Variants in NAPB observed in about 807,000 individuals in gnomAD.
The protein encoded by NAPB is NSF attachment protein beta, also known as beta-soluble NSF attachment protein.
In NAPB, 26 loss-of-function variants were observed where a neutral mutation model predicts 44.7. The observed-to-expected ratio is 0.58, with a 90% CI of 0.43 to 0.81. NAPB has a LOEUF of 0.81. Among genes scored for constraint, NAPB ranks in the 30% least tolerant of loss-of-function variants. The probability of loss-of-function intolerance (pLI) is 0.00; values close to 1 mark genes in which losing one functional copy is unlikely to be tolerated. For missense variants in NAPB, 315 were observed against 356.4 expected (o/e 0.88, Z 0.94); for synonymous variants, 120 against 116.8 (o/e 1.03, Z -0.18).
chr20:23,403,467 G>C (rs763012163), intron 1 of NAPB, among the ~76,000 whole-genome samples: 1 of 152,130 alleles, frequency 6.6e-6, no homozygotes, highest in Non-Finnish European at 1.5e-5. Flanking sequence ...GCTGGGTGTG[G>C]TGGCATGTGC....
chr20:23,393,083 A>G (rs1404946943), intron 5 of NAPB, among the ~76,000 whole-genome samples: 6 of 152,114 alleles, frequency 3.9e-5, no homozygotes, highest in Non-Finnish European at 8.8e-5. Context: ...GCCATCCCAG[A>G]CACCCTGACC....
intron 1 of NAPB, among the ~76,000 whole-genome samples, chr20:23,414,885 T>A (rs913074823): frequency 6.6e-6 from 1 of 152,156 alleles, no homozygotes; most frequent in Admixed American, 6.5e-5. Flanking sequence ...AATATCACAA[T>A]TTGGACAATA....
At chr20:23,418,335 G>T (rs768123471) in intron 1 of NAPB, among the ~76,000 whole-genome samples, 70 of 152,208 alleles carry the variant, frequency 4.6e-4, no homozygotes, top group South Asian at 1.4e-3. Context: ...TAGCTAAGAA[G>T]GCAGGGGCAG....
At chr20:23,401,269 T>C (rs775738602) in intron 2 of NAPB, among the ~76,000 whole-genome samples, 1 of 152,312 alleles carries the variant, frequency 6.6e-6, no homozygotes, top group South Asian at 2.1e-4. Flanking sequence ...GTTACGTTAC[T>C]TCATTAACAC....
At chr20:23,385,220 T>C (rs1344110084) in intron 7 of NAPB, among the ~76,000 whole-genome samples, 1 of 152,056 alleles carries the variant, frequency 6.6e-6, no homozygotes, top group African/African-American at 2.4e-5. Flanking sequence ...AAACATATCA[T>C]ATAAACATTA....
chr20:23,397,081 C>G lies in NAPB; in HGVS notation c.286G>C (p.Asp96His). 6.2e-7 allele frequency: 1 copy of G among 1,612,902 alleles called. No homozygotes were observed. The highest frequency in any genetic ancestry group is 8.5e-7 in the Non-Finnish European group (1 of 1,179,034). The change falls in exon 3 of 11, where the codon GAT becomes CAT. Residue 96 changes from aspartate (D) to histidine (H), a missense_variant. By Grantham distance (81) the Asp-to-His change is moderately conservative (BLOSUM62 -1). This residue lies in a region of NAPB where 179 missense variants were observed against 182.5 expected (regional missense o/e 0.98). Coordinates refer to ENST00000377026, the MANE Select transcript of NAPB (RefSeq NM_022080.3). Reference protein sequence around the residue: ...VDAGNAYKKADPQEAINCLNA... With the variant: ...VDAGNAYKKAHPQEAINCLNA... Reference sequence around the variant, plus strand: ...TGCCTGGCTGTCTTACCTTGGGGATCTGCCTTTTTGTAAGCATTTCCAGCA... The same window carrying G: ...TGCCTGGCTGTCTTACCTTGGGGATGTGCCTTTTTGTAAGCATTTCCAGCA...
At chr20:23,413,095 G>A (rs145490796) in intron 1 of NAPB, among the ~76,000 whole-genome samples, 169 of 152,174 alleles carry the variant, frequency 1.1e-3, no homozygotes, top group African/African-American at 3.8e-3. Context: ...CCAGGAGTTC[G>A]AGACCATCCT....
At chr20:23,418,841 G>A (rs891111800) in intron 1 of NAPB, among the ~76,000 whole-genome samples, 1 of 151,982 alleles carries the variant, frequency 6.6e-6, no homozygotes, top group Non-Finnish European at 1.5e-5. Flanking sequence ...CAGCTACTCA[G>A]GAGACTGAGG....
intron 1 of NAPB, among the ~76,000 whole-genome samples, chr20:23,416,773 T>G (rs1017665768): frequency 2.6e-5 from 4 of 152,220 alleles, no homozygotes; most frequent in African/African-American, 9.6e-5. Flanking sequence ...GAGGAAAACC[T>G]AAATGCTTCA....
intron 5 of NAPB, among the ~76,000 whole-genome samples, chr20:23,392,143 G>A (rs1984004995): frequency 6.6e-6 from 1 of 152,226 alleles, no homozygotes; most frequent in Non-Finnish European, 1.5e-5. Flanking sequence ...GTGATGGTGA[G>A]CGGAACAGTC....
Position 23,397,321 on chromosome 20 carries a change from T to C in NAPB, c.179-133A>G, listed in dbSNP as rs532915311. 2.2e-5 allele frequency: 24 copies of C among 1,081,244 alleles called. No homozygotes were observed. The South Asian group carries it at 3.8e-4, about 17-fold the overall frequency. 67.0% of individuals were successfully genotyped at this position (1,081,244 alleles called of 1,614,324 possible). ...CATTCTAGTCAGAAGCAAAAATCCATGTGGTCCAGTGCACCTCGGGCAAAT... is the reference window on the plus strand; with the variant it reads ...CATTCTAGTCAGAAGCAAAAATCCACGTGGTCCAGTGCACCTCGGGCAAAT... On this transcript the variant is annotated intron_variant, in intron 2 of 10. Coordinates refer to ENST00000377026, the MANE Select transcript of NAPB (RefSeq NM_022080.3).
In NAPB at chr20:23,376,371, GGC is replaced by G. The variant is rs1568599357; in HGVS notation, c.*1003_*1004del. On this transcript the variant is annotated 3_prime_UTR_variant, in exon 11 of 11. Transcript: ENST00000377026. The stretch of plus-strand genomic sequence containing the variant: ...ACAAGTTGGGGTTCTTGCCCACTTG[GGC>G]ATACAGGACATTCCTGTACCACATT... 1 of 152,014 alleles carries G rather than the reference GGC, an allele frequency of 6.6e-6. No homozygotes were observed. Among genetic ancestry groups the G allele is most frequent in the Non-Finnish European group, 1.5e-5 (1 of 68,016 alleles). The allele number at this position is 152,014 out of a possible 1,614,324, so 9.4% of individuals were successfully genotyped here.
At chr20:23,381,077 C>T in intron 8 of NAPB, 136 bp downstream of exon 8, 1 of 641,242 alleles carries the variant, frequency 1.6e-6, no homozygotes, top group East Asian at 2.8e-5. Context: ...ACACATACCA[C>T]AGAATAATAC....
At chr20:23,415,710 G>A (rs926724692) in intron 1 of NAPB, among the ~76,000 whole-genome samples, 13 of 152,024 alleles carry the variant, frequency 8.6e-5, no homozygotes, top group African/African-American at 1.2e-4. Context: ...ACCTGTAATC[G>A]CAGCACTTTG....
intron 1 of NAPB, among the ~76,000 whole-genome samples, chr20:23,414,138 A>G (rs1985846335): frequency 1.3e-5 from 2 of 152,132 alleles, no homozygotes; most frequent in Admixed American, 1.3e-4. Flanking sequence ...CCTAGCCAAT[A>G]TGGTGAAACC....
At chr20:23,385,269 T>C (rs539328704) in intron 7 of NAPB, among the ~76,000 whole-genome samples, 12 of 152,220 alleles carry the variant, frequency 7.9e-5, no homozygotes, top group East Asian at 5.8e-4. Context: ...GTGGATAAAG[T>C]AGACTTGAGC....
intron 1 of NAPB, among the ~76,000 whole-genome samples, chr20:23,409,667 A>T (rs917055527): frequency 1.3e-5 from 2 of 152,240 alleles, no homozygotes; most frequent in African/African-American, 4.8e-5. Context: ...CTGATGAGAC[A>T]TGTGATTCCC....
At chr20:23,404,285 G>T (rs1297371604) in intron 1 of NAPB, among the ~76,000 whole-genome samples, 1 of 152,194 alleles carries the variant, frequency 6.6e-6, no homozygotes, top group Non-Finnish European at 1.5e-5. Flanking sequence ...GAACTCGGTG[G>T]GGTATGGACA....
chr20:23,397,706 C>CA (rs1216288114), intron 2 of NAPB, among the ~76,000 whole-genome samples: 2 of 152,086 alleles, frequency 1.3e-5, no homozygotes, highest in African/African-American at 2.4e-5. Flanking sequence ...TTTTGAAATC[C>CA]AGAAAAGTCT....
Sources: gnomAD v4.1 joint callset for allele counts (sites outside exome capture counted in the v4.1 genomes callset) on GRCh38, gnomAD v4.1.1 for gene constraint, gnomAD v4.1.1 regional missense constraint, MANE v1.5 for transcripts, NCBI Gene and HGNC (gene_info 2026-07-23, HGNC 2026-07-21) for gene names.